The following VWC2L variants were observed in gnomAD, a reference collection of about 807,000 sequenced individuals.
VWC2L encodes the protein von Willebrand factor C domain-containing protein 2-like.
VWC2L carries 10 observed loss-of-function variants against 21.6 expected under a neutral mutation model. That is an observed-to-expected ratio of 0.46 (90% CI 0.29 to 0.78). The LOEUF (loss-of-function observed/expected upper bound fraction) is 0.78, where lower values mean the gene tolerates loss of function less well. Among genes scored for constraint, VWC2L ranks in the 30% least tolerant of loss-of-function variants. The pLI is 0.10. For synonymous variants in VWC2L, 96 were observed against 94.3 expected, an observed-to-expected ratio of 1.02 and a Z score of -0.10; for missense variants, 209 against 277.1, an observed-to-expected ratio of 0.75 and a Z score of 1.74.
intron 3 of VWC2L, among the ~76,000 whole-genome samples, chr2:214,549,049 T>C (rs1212091783): frequency 6.6e-6 from 1 of 152,220 alleles, no homozygotes; most frequent in Non-Finnish European, 1.5e-5. Context: ...TCTTTCATTT[T>C]CTAGCTCCTA....
chr2:214,521,986 A>C (rs1689248231), intron 3 of VWC2L, among the ~76,000 whole-genome samples: 1 of 152,236 alleles, frequency 6.6e-6, no homozygotes, highest in Non-Finnish European at 1.5e-5. Context: ...GGAAGCAGTG[A>C]TATAAATATG....
chr2:214,571,177 C>G (rs1212657363), intron 3 of VWC2L, among the ~76,000 whole-genome samples: 1 of 152,150 alleles, frequency 6.6e-6, no homozygotes, highest in African/African-American at 2.4e-5. Context: ...AAATTCTGAT[C>G]AGAAGCTCAG....
rs555388656 is a variant in VWC2L, at chr2:214,520,510, C to T, written c.521-55162C>T. Among the ~76,000 whole-genome samples the T allele has an allele frequency of 5.9e-5, 9 of 151,970 alleles. No individual in the cohort carries two copies. In the South Asian group the frequency reaches 6.2e-4, roughly 11 times the overall value. On this transcript the variant is annotated intron_variant, in intron 3 of 3. Coordinates refer to ENST00000312504, the MANE Select transcript of VWC2L (RefSeq NM_001080500.4). The stretch of plus-strand genomic sequence containing the variant: ...CTTTGTTCATGATTCACTTATTTCC[C>T]GAGACTGGCGATATAGAAGTAAAAT...
intron 2 of VWC2L, among the ~76,000 whole-genome samples, chr2:214,435,704 C>A (rs372939324): frequency 6.6e-6 from 1 of 152,070 alleles, no homozygotes; most frequent in Admixed American, 6.6e-5. Context: ...GAAATGTGGA[C>A]ATTGTATGAC....
chr2:214,416,447 A>AT (rs1480081569), intron 2 of VWC2L, among the ~76,000 whole-genome samples: 1 of 152,014 alleles, frequency 6.6e-6, no homozygotes, highest in Non-Finnish European at 1.5e-5. Flanking sequence ...GTGTCATAAA[A>AT]TTTTTGATGT....
intron 3 of VWC2L, among the ~76,000 whole-genome samples, chr2:214,438,892 T>C (rs762991800): frequency 1.8e-4 from 27 of 152,054 alleles, no homozygotes; most frequent in Non-Finnish European, 3.8e-4. Flanking sequence ...TGTTAAGTTT[T>C]CTGATATTTT....
chr2:214,422,483 A>T (rs1055998156), intron 2 of VWC2L, among the ~76,000 whole-genome samples: 4 of 152,212 alleles, frequency 2.6e-5, no homozygotes, highest in African/African-American at 9.6e-5. Flanking sequence ...TATGAAGGAC[A>T]GCACAAGAAA....
At chr2:214,418,978 C>T (rs1702395986) in intron 2 of VWC2L, among the ~76,000 whole-genome samples, 1 of 152,178 alleles carries the variant, frequency 6.6e-6, no homozygotes, top group Non-Finnish European at 1.5e-5. Context: ...TACTGTCTCA[C>T]CCTATGCAGT....
chr2:214,443,878 G>A (rs779442789), intron 3 of VWC2L, among the ~76,000 whole-genome samples: 1 of 152,062 alleles, frequency 6.6e-6, no homozygotes, highest in Non-Finnish European at 1.5e-5. Flanking sequence ...TTGGAAAGAA[G>A]GAGGTAAAAA....
chr2:214,433,082 C>A (rs1225495121), intron 2 of VWC2L, among the ~76,000 whole-genome samples: 1 of 147,684 alleles, frequency 6.8e-6, no homozygotes, highest in Non-Finnish European at 1.5e-5. Context: ...AAATGGAGTT[C>A]TACATTAGTT....
intron 3 of VWC2L, among the ~76,000 whole-genome samples, chr2:214,445,357 G>C (rs1393285831): frequency 4.0e-5 from 6 of 151,696 alleles, no homozygotes; most frequent in South Asian, 4.2e-4. Context: ...TAAGAATAAA[G>C]TGACTGGTTA....
intron 3 of VWC2L, among the ~76,000 whole-genome samples, chr2:214,504,199 A>G (rs1029615086): frequency 4.6e-5 from 7 of 152,246 alleles, no homozygotes; most frequent in Admixed American, 3.9e-4. Flanking sequence ...GAATAGCTTT[A>G]GCTGCTTCGT....
At chr2:214,459,207 G>T (rs1703100868) in intron 3 of VWC2L, among the ~76,000 whole-genome samples, 1 of 152,044 alleles carries the variant, frequency 6.6e-6, no homozygotes, top group African/African-American at 2.4e-5. Context: ...GAAGTCTGTT[G>T]TATGTGACAC....
chr2:214,467,907 A>G (rs568571135), intron 3 of VWC2L, among the ~76,000 whole-genome samples: 112 of 152,276 alleles, frequency 7.4e-4, no homozygotes, highest in Non-Finnish European at 1.3e-3. Flanking sequence ...GCTACTCAGA[A>G]AGCTGAGATG....
intron 3 of VWC2L, among the ~76,000 whole-genome samples, chr2:214,550,277 C>G (rs898774682): frequency 1.3e-5 from 2 of 152,046 alleles, no homozygotes; most frequent in Admixed American, 6.6e-5. Flanking sequence ...ACAACAGACT[C>G]GGCCATAGGA....
intron 3 of VWC2L, among the ~76,000 whole-genome samples, chr2:214,571,492 C>T (rs1166033995): frequency 6.6e-6 from 1 of 152,174 alleles, no homozygotes; most frequent in African/African-American, 2.4e-5. Context: ...ATATTTAATA[C>T]TAACACTAGG....
chr2:214,488,401 C>G (rs1688700494), intron 3 of VWC2L, among the ~76,000 whole-genome samples: 1 of 152,128 alleles, frequency 6.6e-6, no homozygotes. Flanking sequence ...AGTTCAAAAC[C>G]AGCCGTGGCA....
chr2:214,475,252 C>A (rs567851021), intron 3 of VWC2L, among the ~76,000 whole-genome samples: 2 of 152,108 alleles, frequency 1.3e-5, no homozygotes, highest in Admixed American at 1.3e-4. Flanking sequence ...CCAGGGATGA[C>A]AAATTCAAAT....
intron 3 of VWC2L, among the ~76,000 whole-genome samples, chr2:214,444,989 A>G (rs1343787376): frequency 6.6e-6 from 1 of 151,998 alleles, no homozygotes; most frequent in Non-Finnish European, 1.5e-5. Flanking sequence ...ATAGTTTCTA[A>G]AAGAAAAAAT....
Sources: allele counts gnomAD v4.1 joint callset (sites outside exome capture counted in the v4.1 genomes callset), GRCh38; gene constraint gnomAD v4.1.1; transcripts MANE v1.5; gene names NCBI Gene and HGNC (gene_info 2026-07-23, HGNC 2026-07-21).